Variants in XIST observed in about 807,000 individuals in gnomAD.
XIST encodes the protein X inactive specific transcript, also known as X inactive specific transcript (non-protein coding).
At chrX:73,831,578 C>T (rs144997328) in intron 3 of XIST, among the ~76,000 whole-genome samples, 26 of 111,649 alleles carry the variant, frequency 2.3e-4, no homozygotes, top group African/African-American at 6.8e-4. Context: ...TATTACTGAG[C>T]GATCCTCTAC....
rs975829828 is a variant in XIST, at chrX:73,841,814, C to G, written n.10910G>C. On this transcript the variant is annotated non_coding_transcript_exon_variant, in exon 1 of 6. Coordinates refer to ENST00000429829, the Ensembl canonical transcript of XIST. ...TAATTAATAAAAAAGGTGGCATATG[C>G]TTTTTAAAAGCACCTCTGCATATGT... The G allele has an allele frequency of 8.0e-6, 4 of 502,048 alleles. No individual in the cohort carries two copies. The African/African-American group carries it at 9.3e-5, about 12-fold the overall frequency. The allele number at this position is 502,048 out of a possible 1,213,427, so 41.4% of individuals were successfully genotyped here.
At chrX:73,846,631 G>C (rs1238495317) in exon 1 of XIST, 1 of 557,245 alleles carries the variant, frequency 1.8e-6, no homozygotes, top group African/African-American at 2.2e-5. Context: ...CCAAATAAAA[G>C]GGTCTTATGG....
chrX:73,847,130 C>A, exon 1 of XIST: 1 of 559,074 alleles, frequency 1.8e-6, no homozygotes, highest in Non-Finnish European at 3.2e-6. Context: ...GATGTAAATA[C>A]AGTGGGTGGG....
chrX:73,826,561 A>C (rs373169270), exon 6 of XIST: 38 of 557,868 alleles, frequency 6.8e-5, no homozygotes, highest in African/African-American at 4.4e-4. Context: ...TCTCAAAAGA[A>C]TCAGGCTTAA....
At chrX:73,828,467 A>T (rs1161566957) in intron 5 of XIST, 2 of 117,043 alleles carry the variant, frequency 1.7e-5, no homozygotes, top group Non-Finnish European at 3.6e-5. Context: ...GAGGATTTAA[A>T]ACACACAATG....
intron 2 of XIST, chrX:73,833,448 A>G (rs1922423918): frequency 8.2e-6 from 4 of 487,269 alleles, no homozygotes; most frequent in Non-Finnish European, 1.4e-5. Context: ...AAAAACCCCA[A>G]TGAAAAAAAC....
chrX:73,829,668 T>G (rs1246023108), intron 4 of XIST, among the ~76,000 whole-genome samples: 1 of 107,910 alleles, frequency 9.3e-6, no homozygotes, highest in African/African-American at 3.4e-5. Context: ...TGCATGACTG[T>G]AATCCCAGCT....
Position 73,849,436 on chromosome X carries a change from A to G in XIST, n.3288T>C, listed in dbSNP as rs1922857033. 1.3e-5 allele frequency: 7 copies of G among 557,326 alleles called. No homozygotes were observed. The South Asian group carries it at 1.6e-4, about 12-fold the overall frequency. The allele number at this position is 557,326 out of a possible 1,213,427, so 45.9% of individuals were successfully genotyped here. On this transcript the variant is annotated non_coding_transcript_exon_variant, in exon 1 of 6. Coordinates refer to ENST00000429829, the Ensembl canonical transcript of XIST. ...ATGCAAAGAGTTTTAGGTGGCCAAC[A>G]CAGTACACAAGAAAAGATCACTACT...
intron 3 of XIST, among the ~76,000 whole-genome samples, chrX:73,832,768 G>A (rs1163169692): frequency 1.8e-5 from 2 of 111,424 alleles, no homozygotes; most frequent in Non-Finnish European, 3.8e-5. Context: ...AGACCTCACT[G>A]GAGCCCAGCT....
At chrX:73,851,879 T>C in exon 1 of XIST, 1 of 558,724 alleles carries the variant, frequency 1.8e-6, no homozygotes, top group South Asian at 2.2e-5. Flanking sequence ...AGAGTCATTC[T>C]CTGCCAAAGC....
At chrX:73,847,478 C>A in exon 1 of XIST, 1 of 513,142 alleles carries the variant, frequency 1.9e-6, no homozygotes, top group Non-Finnish European at 3.5e-6. Context: ...CCTCAGCCTC[C>A]CAAAGTGCTG....
At chrX:73,846,191 G>C (rs377668769) in exon 1 of XIST, 27 of 556,321 alleles carry the variant, frequency 4.9e-5, no homozygotes, top group South Asian at 3.1e-4. Context: ...CCAGGAAAAA[G>C]GGCCTTGGTG....
rs373028035 is a variant in XIST at position 73,849,156 on chromosome X, T to A, written n.3568A>T. Reference sequence around the variant, plus strand: ...ATGCAAGGGCGACTGGTAGTCTTCATGATTAATGGGTGAGACAATTAGCAA... The same window carrying A: ...ATGCAAGGGCGACTGGTAGTCTTCAAGATTAATGGGTGAGACAATTAGCAA... On this transcript the variant is annotated non_coding_transcript_exon_variant, in exon 1 of 6. Coordinates refer to ENST00000429829, the Ensembl canonical transcript of XIST. 18 of 557,874 alleles carry A rather than the reference T, an allele frequency of 3.2e-5. No homozygotes were observed. In the East Asian group the frequency reaches 5.5e-4, roughly 17 times the overall value. The allele number at this position is 557,874 out of a possible 1,213,427, so 46.0% of individuals were successfully genotyped here.
exon 1 of XIST, chrX:73,841,674 CTTAT>C (rs1196929246): frequency 1.9e-6 from 1 of 529,395 alleles, no homozygotes; most frequent in African/African-American, 2.3e-5. Flanking sequence ...TTAATTTTGG[CTTAT>C]TTTTCTTATA....
chrX:73,824,745 A>G (rs752161810), exon 6 of XIST: 1 of 557,228 alleles, frequency 1.8e-6, no homozygotes, highest in East Asian at 3.3e-5. Flanking sequence ...TCTCACATCT[A>G]TTACTTCATT....
At chrX:73,845,471 A>G in exon 1 of XIST, 2 of 554,539 alleles carry the variant, frequency 3.6e-6, no homozygotes, top group Non-Finnish European at 6.5e-6. Flanking sequence ...GTAAGGGTAT[A>G]TGGAGTGGAC....
At chrX:73,847,456 G>A in exon 1 of XIST, 1 of 512,781 alleles carries the variant, frequency 2.0e-6, no homozygotes, top group Non-Finnish European at 3.5e-6. Context: ...CTGGCAGTAA[G>A]GGATCTTCCC....
exon 6 of XIST, chrX:73,821,564 T>C (rs1210449017): frequency 1.8e-6 from 1 of 556,723 alleles, no homozygotes; most frequent in Non-Finnish European, 3.2e-6. Flanking sequence ...TGATCAGCTA[T>C]TGGAACTGCA....
intron 3 of XIST, among the ~76,000 whole-genome samples, chrX:73,832,049 A>G (rs1222133571): frequency 8.9e-6 from 1 of 112,312 alleles, no homozygotes; most frequent in Non-Finnish European, 1.9e-5. Context: ...TTATAACAAC[A>G]GCTGGCCAGG....
Sources: allele counts gnomAD v4.1 joint callset (sites outside exome capture counted in the v4.1 genomes callset), GRCh38; gene constraint gnomAD v4.1.1; transcripts MANE v1.5; gene names NCBI Gene and HGNC (gene_info 2026-07-23, HGNC 2026-07-21).